Variants in FBXO15 observed in about 807,000 individuals in gnomAD.
The protein encoded by FBXO15 is F-box protein 15.
A neutral mutation model predicts 49.5 loss-of-function variants in FBXO15; 30 were observed. The observed-to-expected ratio is 0.61, with a 90% CI of 0.45 to 0.82. FBXO15 has a LOEUF of 0.82. Ranked by LOEUF, FBXO15 falls within the 40% of genes least tolerant of loss-of-function variation. The pLI is 0.00. For synonymous variants in FBXO15, 250 were observed against 232.7 expected, an observed-to-expected ratio of 1.07 and a Z score of -0.68; for missense variants, 591 against 631.5, an observed-to-expected ratio of 0.94 and a Z score of 0.69.
chr18:74,109,459 C>T (rs941088269), intron 8 of FBXO15, among the ~76,000 whole-genome samples: 4 of 152,122 alleles, frequency 2.6e-5, no homozygotes, highest in Non-Finnish European at 5.9e-5. Context: ...TACCACTTGA[C>T]CCAGCAATCC....
intron 2 of FBXO15, among the ~76,000 whole-genome samples, chr18:74,138,048 T>C (rs1005450543): frequency 6.6e-6 from 1 of 152,062 alleles, no homozygotes; most frequent in Non-Finnish European, 1.5e-5. Context: ...GGTTCCTGCC[T>C]CCCTCTTCCA....
chr18:74,092,571 T>C (rs978939927), intron 8 of FBXO15, among the ~76,000 whole-genome samples: 1 of 152,170 alleles, frequency 6.6e-6, no homozygotes, highest in African/African-American at 2.4e-5. Context: ...TTATCTTTGA[T>C]GTCCGTGGGG....
At chr18:74,113,268 G>C (rs1568169634) in intron 8 of FBXO15, among the ~76,000 whole-genome samples, 1 of 152,174 alleles carries the variant, frequency 6.6e-6, no homozygotes, top group African/African-American at 2.4e-5. Context: ...ACAGCAAAAA[G>C]GCTAGTGGTT....
chr18:74,115,614 T>C (rs749869408), intron 8 of FBXO15, among the ~76,000 whole-genome samples: 9 of 152,208 alleles, frequency 5.9e-5, no homozygotes, highest in Admixed American at 1.3e-4. Flanking sequence ...TATTCAATTC[T>C]AGAGATCCTT....
intron 8 of FBXO15, among the ~76,000 whole-genome samples, chr18:74,093,510 G>C (rs868377375): frequency 3.3e-5 from 5 of 152,132 alleles, no homozygotes; most frequent in Admixed American, 1.3e-4. Flanking sequence ...CAGACATAAG[G>C]GTGCTCAGGT....
chr18:74,081,530 T>G (rs1844329735), intron 9 of FBXO15, among the ~76,000 whole-genome samples: 1 of 152,226 alleles, frequency 6.6e-6, no homozygotes, highest in South Asian at 2.1e-4. Context: ...TGCAATAAGT[T>G]TTAAATTGGT....
intron 8 of FBXO15, among the ~76,000 whole-genome samples, chr18:74,116,960 C>A (rs747341619): frequency 1.5e-4 from 23 of 152,098 alleles, no homozygotes; most frequent in African/African-American, 5.6e-4. Context: ...ATTCCACAGA[C>A]GTGACGACAG....
At chr18:74,100,692 C>A (rs1913477547) in intron 8 of FBXO15, among the ~76,000 whole-genome samples, 1 of 151,188 alleles carries the variant, frequency 6.6e-6, no homozygotes, top group South Asian at 2.1e-4. Flanking sequence ...GAGAGAAAAC[C>A]CAAATAAGAA....
chr18:74,139,970 A>G (rs1978961862), intron 2 of FBXO15, among the ~76,000 whole-genome samples: 1 of 152,262 alleles, frequency 6.6e-6, no homozygotes, highest in Non-Finnish European at 1.5e-5. Flanking sequence ...TAATAAAAGG[A>G]AAATTCAATT....
At chr18:74,121,980 C>T (rs1214302677) in intron 8 of FBXO15, among the ~76,000 whole-genome samples, 3 of 152,150 alleles carry the variant, frequency 2.0e-5, no homozygotes, top group Non-Finnish European at 2.9e-5. Context: ...TCAGTCGGAA[C>T]CAATATGGCC....
chr18:74,132,661 T>C (rs534555149), intron 3 of FBXO15, among the ~76,000 whole-genome samples: 24 of 152,296 alleles, frequency 1.6e-4, no homozygotes, highest in Admixed American at 7.2e-4. Flanking sequence ...TACTTCTTGA[T>C]CCCCAAATGC....
At chr18:74,147,425 G>T in intron 1 of FBXO15, 1 of 1,079,324 alleles carries the variant, frequency 9.3e-7, no homozygotes, top group Non-Finnish European at 1.1e-6. Flanking sequence ...GCGCATCCCC[G>T]GCCACAGGCG....
intron 3 of FBXO15, among the ~76,000 whole-genome samples, chr18:74,133,549 G>T (rs1177068666): frequency 6.6e-6 from 1 of 152,140 alleles, no homozygotes; most frequent in Non-Finnish European, 1.5e-5. Context: ...CTTTCTTTTA[G>T]TGACCACCTT....
At chr18:74,083,033 A>G (rs1912571633) in intron 8 of FBXO15, among the ~76,000 whole-genome samples, 1 of 152,220 alleles carries the variant, frequency 6.6e-6, no homozygotes, top group African/African-American at 2.4e-5. Context: ...AGAAGGTTAA[A>G]GCCCACACTT....
chr18:74,122,940 TA>T (rs1914532714), intron 8 of FBXO15: 1 of 153,680 alleles, frequency 6.5e-6, no homozygotes, highest in African/African-American at 2.4e-5. Context: ...CTGGCTTTGG[TA>T]GGTGTGGCAA....
At chr18:74,104,316 TTAAAA>T (rs1913652869) in intron 8 of FBXO15, among the ~76,000 whole-genome samples, 1 of 151,812 alleles carries the variant, frequency 6.6e-6, no homozygotes, top group East Asian at 1.9e-4. Flanking sequence ...AAGCAACAAA[TTAAAA>T]TATTCTACCA....
In FBXO15 at chr18:74,073,515, C is replaced by T; in HGVS notation, c.1479G>A (p.Leu493=). ...TTTTTGCGATACTAAGATAAAGGAC[C>T]AGGTTGACAATAAGGTATTCTTCGG... ...RETEEYLIVN[L]VLYLSIAKIN... is the part of the protein sequence containing the mutation. Residue 493 remains leucine (L), a synonymous_variant, in exon 10 of 10, where the codon CTG becomes CTA. Transcript: ENST00000419743. The T allele has an allele frequency of 6.2e-7, 1 of 1,614,150 alleles. No individual in the cohort carries two copies. The highest frequency in any genetic ancestry group is 8.5e-7 in the Non-Finnish European group (1 of 1,180,022).
At chr18:74,086,705 C>T (rs1350055793) in intron 8 of FBXO15, among the ~76,000 whole-genome samples, 3 of 152,214 alleles carry the variant, frequency 2.0e-5, no homozygotes, top group Non-Finnish European at 4.4e-5. Flanking sequence ...CCACCATGCC[C>T]AGCCAGCACT....
intron 8 of FBXO15, among the ~76,000 whole-genome samples, chr18:74,120,582 A>G (rs563552081): frequency 1.5e-4 from 23 of 152,354 alleles, no homozygotes; most frequent in Middle Eastern, 6.8e-3. Flanking sequence ...CCATATATCA[A>G]AGAAGAAATA....
Sources: gnomAD v4.1 joint callset for allele counts (sites outside exome capture counted in the v4.1 genomes callset) on GRCh38, gnomAD v4.1.1 for gene constraint, MANE v1.5 for transcripts, NCBI Gene and HGNC (gene_info 2026-07-23, HGNC 2026-07-21) for gene names.